Variants in GLDN observed in about 807,000 individuals in gnomAD.
GLDN encodes the protein collomin.
A neutral mutation model predicts 56.5 loss-of-function variants in GLDN; 47 were observed. That is an observed-to-expected ratio of 0.83 (90% confidence interval 0.66 to 1.06). The LOEUF is 1.06. GLDN is among the 50% of genes least tolerant of loss of function. The pLI, the probability that GLDN is intolerant of heterozygous loss-of-function variation, is 0.00. For synonymous variants in GLDN, 332 were observed against 278.8 expected (o/e 1.19, Z -1.90); for missense variants, 782 against 714.3 (o/e 1.09, Z -1.08).
chr15:51,412,864 T>C (rs571845896), downstream of GLDN, among the ~76,000 whole-genome samples: 2 of 152,294 alleles, frequency 1.3e-5, no homozygotes, highest in African/African-American at 2.4e-5. Flanking sequence ...TAAAGTGATA[T>C]AGTTGCAACA....
In GLDN at chr15:51,341,880, C is replaced by T. The variant is rs756302886; in HGVS notation, c.196C>T (p.Arg66Cys). ...GREQREDSALRSFLAELSRAP... is the reference protein window; with the variant it reads ...GREQREDSALCSFLAELSRAP... Reference sequence around the variant, plus strand: ...GGAGCAGCGCGAGGACAGTGCCCTGCGCTCCTTCCTGGCCGAGTTGAGCCG... The same window carrying T: ...GGAGCAGCGCGAGGACAGTGCCCTGTGCTCCTTCCTGGCCGAGTTGAGCCG... Residue 66 changes from arginine (R) to cysteine (C), a missense_variant, in exon 1 of 10, where the codon CGC becomes TGC. Physicochemically the swap from Arg to Cys is radical, Grantham distance 180. Coordinates refer to ENST00000335449, the MANE Select transcript of GLDN (RefSeq NM_181789.4). 4 of 1,572,056 alleles carry T rather than the reference C, an allele frequency of 2.5e-6. No individual in the cohort carries two copies. In the East Asian group the frequency reaches 7.0e-5, roughly 27 times the overall value.
chr15:51,383,849 C>T lies in GLDN; in HGVS notation c.498C>T (p.Gly166=). 1 of 1,612,430 alleles carries T rather than the reference C, an allele frequency of 6.2e-7. No homozygotes were observed. The highest frequency in any genetic ancestry group is 8.5e-7 in the Non-Finnish European group (1 of 1,179,614). ...TGGATGGACAGCCTGGTCCTCAGGG[C>T]CCAAAAGGAGAAAAAGGAGCAAATG... ...NGLDGQPGPQ[G]PKGEKGANGK... The change falls in exon 4 of 10, where the codon GGC becomes GGT. Residue 166 remains glycine, a synonymous_variant. Coordinates refer to ENST00000335449, the MANE Select transcript of GLDN (RefSeq NM_181789.4).
At chr15:51,372,162 C>T (rs1322279394) in intron 1 of GLDN, among the ~76,000 whole-genome samples, 2 of 151,690 alleles carry the variant, frequency 1.3e-5, no homozygotes, top group African/African-American at 2.4e-5. Flanking sequence ...CATGAAGCCA[C>T]CAGTTCCACT....
chr15:51,383,376 G>C, intron 2 of GLDN, 60 bp from the exon 3 acceptor site: 2 of 1,571,732 alleles, frequency 1.3e-6, no homozygotes, highest in Non-Finnish European at 8.7e-7. Context: ...AAGGTCGGGG[G>C]TGCTCTTTGT....
At chr15:51,347,456 G>A (rs896021445) in intron 1 of GLDN, among the ~76,000 whole-genome samples, 1 of 152,216 alleles carries the variant, frequency 6.6e-6, no homozygotes, top group African/African-American at 2.4e-5. Flanking sequence ...GCTAGCATTA[G>A]TGTATTTTAT....
At chr15:51,375,808 TTCCAAGAGG>T (rs1222272108) in intron 1 of GLDN, among the ~76,000 whole-genome samples, 2 of 151,964 alleles carry the variant, frequency 1.3e-5, no homozygotes, top group African/African-American at 4.8e-5. Flanking sequence ...GAGATCAGAG[TTCCAAGAGG>T]TTAAGTACTT....
chr15:51,403,709 T>C (rs2038306244), intron 9 of GLDN, among the ~76,000 whole-genome samples: 1 of 152,192 alleles, frequency 6.6e-6, no homozygotes, highest in South Asian at 2.1e-4. Flanking sequence ...GACTTTCTTC[T>C]TAACTTAGCA....
At chr15:51,365,998 C>T (rs556271431) in intron 1 of GLDN, among the ~76,000 whole-genome samples, 12 of 152,300 alleles carry the variant, frequency 7.9e-5, no homozygotes, top group South Asian at 6.2e-4. Context: ...ATAGGCAATT[C>T]GCTACCAAAC....
intron 2 of GLDN, among the ~76,000 whole-genome samples, chr15:51,378,560 T>C (rs927362598): frequency 2.0e-5 from 3 of 152,188 alleles, no homozygotes; most frequent in African/African-American, 7.2e-5. Flanking sequence ...AGCCAGGCTG[T>C]ACAGTGAATG....
At chr15:51,386,034 G>A (rs1484296676) in intron 4 of GLDN, among the ~76,000 whole-genome samples, 1 of 152,214 alleles carries the variant, frequency 6.6e-6, no homozygotes, top group African/African-American at 2.4e-5. Context: ...CTGGAGCAGA[G>A]GACAGCAGCA....
intron 4 of GLDN, 79 bp downstream of exon 4, chr15:51,383,971 C>A: frequency 9.4e-7 from 1 of 1,066,124 alleles, no homozygotes; most frequent in Non-Finnish European, 1.4e-6. Context: ...AAACTGTGTG[C>A]AGCAGGGGTA....
At chr15:51,350,638 G>A (rs891967935) in intron 1 of GLDN, among the ~76,000 whole-genome samples, 2 of 152,166 alleles carry the variant, frequency 1.3e-5, no homozygotes, top group African/African-American at 4.8e-5. Flanking sequence ...TGGTGTTGGT[G>A]ATGGGAACAC....
downstream of GLDN, among the ~76,000 whole-genome samples, chr15:51,408,609 T>A (rs1406094604): frequency 6.6e-6 from 1 of 152,182 alleles, no homozygotes; most frequent in Non-Finnish European, 1.5e-5. Context: ...TATGTATACA[T>A]GTGCCATGTT....
At chr15:51,368,284 G>C (rs972196501) in intron 1 of GLDN, among the ~76,000 whole-genome samples, 5 of 152,124 alleles carry the variant, frequency 3.3e-5, no homozygotes, top group Non-Finnish European at 7.4e-5. Context: ...TCAGAGTCTA[G>C]TTGAGAAGTC....
intron 1 of GLDN, among the ~76,000 whole-genome samples, chr15:51,348,491 G>A (rs2037018863): frequency 1.3e-5 from 2 of 151,752 alleles, no homozygotes; most frequent in Admixed American, 1.3e-4. Flanking sequence ...CACCACACCT[G>A]GCTAATTAAA....
chr15:51,372,226 C>T (rs897641586), intron 1 of GLDN, among the ~76,000 whole-genome samples: 1 of 152,184 alleles, frequency 6.6e-6, no homozygotes. Context: ...GAGGGCAGAG[C>T]CCTCATGATC....
chr15:51,357,518 A>C (rs2037208637), intron 1 of GLDN, among the ~76,000 whole-genome samples: 1 of 152,210 alleles, frequency 6.6e-6, no homozygotes, highest in Admixed American at 6.5e-5. Context: ...CATCTGACTT[A>C]AGACACAGGT....
At chr15:51,349,260 T>C (rs892307474) in intron 1 of GLDN, among the ~76,000 whole-genome samples, 3 of 152,276 alleles carry the variant, frequency 2.0e-5, no homozygotes, top group African/African-American at 7.2e-5. Flanking sequence ...AGCTCCTGTT[T>C]GCAGTGCTAT....
chr15:51,377,703 T>C (rs2037664939), intron 2 of GLDN, among the ~76,000 whole-genome samples: 1 of 152,234 alleles, frequency 6.6e-6, no homozygotes, highest in South Asian at 2.1e-4. Context: ...AATATAGCCA[T>C]GGAAAATAAC....
Sources: gnomAD v4.1 joint callset for allele counts (sites outside exome capture counted in the v4.1 genomes callset) on GRCh38, gnomAD v4.1.1 for gene constraint, MANE v1.5 for transcripts, NCBI Gene and HGNC (gene_info 2026-07-23, HGNC 2026-07-21) for gene names.